The following SLC25A12 variants were observed in gnomAD, a reference collection of about 807,000 sequenced individuals.
SLC25A12 encodes solute carrier family 25 member 12.
A neutral mutation model predicts 83.3 loss-of-function variants in SLC25A12; 32 were observed. That is an observed-to-expected ratio of 0.38 (90% CI 0.29 to 0.52). The LOEUF (loss-of-function observed/expected upper bound fraction) is 0.52. SLC25A12 is among the 20% of genes least tolerant of loss of function. The pLI, the probability that SLC25A12 is intolerant of heterozygous loss-of-function variation, is 0.84. For missense variants in SLC25A12, 611 were observed against 835.6 expected (o/e 0.73, Z 3.31); for synonymous variants, 267 against 291.1 (o/e 0.92, Z 0.84).
intron 13 of SLC25A12, among the ~76,000 whole-genome samples, chr2:171,798,234 G>C (rs1476175566): frequency 6.6e-6 from 1 of 152,130 alleles, no homozygotes; most frequent in African/African-American, 2.4e-5. Flanking sequence ...AAGTTAGCGG[G>C]GAAAAGGATG....
intron 8 of SLC25A12, among the ~76,000 whole-genome samples, chr2:171,829,627 C>T (rs1684387832): frequency 6.6e-6 from 1 of 152,070 alleles, no homozygotes. Flanking sequence ...TGTAGGTCCC[C>T]TTCTCCATAA....
At chr2:171,838,386 T>G (rs1369934065) in intron 5 of SLC25A12, among the ~76,000 whole-genome samples, 1 of 152,200 alleles carries the variant, frequency 6.6e-6, no homozygotes, top group Non-Finnish European at 1.5e-5. Flanking sequence ...GAATTTTCAA[T>G]CCATCTACAT....
At chr2:171,836,030 C>CTAGGGTT (rs1684549055) in intron 6 of SLC25A12, among the ~76,000 whole-genome samples, 1 of 152,130 alleles carries the variant, frequency 6.6e-6, no homozygotes, top group Admixed American at 6.5e-5. Context: ...GTACTGAGCC[C>CTAGGGTT]CTCCCTCTAG....
rs370401395 is a variant in SLC25A12 at position 171,886,512 on chromosome 2, CT to C, written c.66+6692del. Among the ~76,000 whole-genome samples, 89 of 127,584 alleles carry C rather than the reference CT, an allele frequency of 7.0e-4. No individual in the cohort carries two copies. In the Middle Eastern group the frequency reaches 0.013, roughly 18 times the overall value. The allele number at this position is 127,584 out of a possible 152,430, so 83.7% of individuals were successfully genotyped here. ...GCAGTTAACCTTGTACATATATATT[CT>C]TTTTTTTTTGTTTTGAGACAGAGTT... On this transcript the variant is annotated intron_variant, in intron 2 of 17. Transcript: ENST00000422440.
chr2:171,833,202 A>G (rs1261815272), intron 8 of SLC25A12, among the ~76,000 whole-genome samples: 1 of 152,164 alleles, frequency 6.6e-6, no homozygotes, highest in Non-Finnish European at 1.5e-5. Context: ...CACTAGACAG[A>G]GCAGTGCTAG....
intron 13 of SLC25A12, among the ~76,000 whole-genome samples, chr2:171,802,518 T>C (rs1176595149): frequency 6.6e-6 from 1 of 152,234 alleles, no homozygotes; most frequent in African/African-American, 2.4e-5. Flanking sequence ...GGCTCACACC[T>C]GTAATCCCAG....
intron 13 of SLC25A12, among the ~76,000 whole-genome samples, chr2:171,804,315 T>C (rs1312700011): frequency 6.6e-6 from 1 of 152,118 alleles, no homozygotes; most frequent in African/African-American, 2.4e-5. Flanking sequence ...TGGAGTGCAG[T>C]GGGCACAATC....
In SLC25A12 at chr2:171,852,795, C is replaced by T; in HGVS notation, c.325+3039G>A. The stretch of plus-strand genomic sequence containing the variant: ...TAGAAATCTTGTTAAATGGCATTTG[C>T]TACAACAGTTTCAATATTTTCCCTC... On this transcript the variant is annotated intron_variant, in intron 4 of 17. Transcript: ENST00000422440. 1.5e-5 allele frequency: 5 copies of T among 331,200 alleles called. No individual in the cohort carries two copies. In the East Asian group the frequency reaches 3.2e-4, roughly 21 times the overall value. 20.5% of individuals were successfully genotyped at this position (331,200 alleles called of 1,614,324 possible).
chr2:171,862,393 T>C (rs1376953324), intron 3 of SLC25A12, among the ~76,000 whole-genome samples: 1 of 152,234 alleles, frequency 6.6e-6, no homozygotes, highest in Non-Finnish European at 1.5e-5. Flanking sequence ...ATCCCACAAA[T>C]AATACTTGGC....
chr2:171,867,033 C>T (rs1224672128), intron 3 of SLC25A12, among the ~76,000 whole-genome samples: 6 of 143,310 alleles, frequency 4.2e-5, no homozygotes, highest in African/African-American at 1.1e-4. Flanking sequence ...ACATCCCAGA[C>T]GGGGCGGTGG....
At chr2:171,823,335 C>T (rs1574699663) in intron 9 of SLC25A12, among the ~76,000 whole-genome samples, 1 of 152,114 alleles carries the variant, frequency 6.6e-6, no homozygotes, top group African/African-American at 2.4e-5. Context: ...CTACAGAATG[C>T]AGGAGCTTGA....
intron 3 of SLC25A12, among the ~76,000 whole-genome samples, chr2:171,865,286 A>G (rs1441598393): frequency 2.6e-5 from 4 of 152,242 alleles, no homozygotes; most frequent in Admixed American, 2.6e-4. Flanking sequence ...AAATGCCTGT[A>G]TCCTTGATAA....
chr2:171,869,722 T>C (rs1685418082), intron 2 of SLC25A12, among the ~76,000 whole-genome samples: 1 of 152,172 alleles, frequency 6.6e-6, no homozygotes, highest in African/African-American at 2.4e-5. Flanking sequence ...TCTCCTTGAG[T>C]TGCATCAGAT....
chr2:171,873,611 G>T (rs1052718208), intron 2 of SLC25A12, among the ~76,000 whole-genome samples: 2 of 152,034 alleles, frequency 1.3e-5, no homozygotes, highest in Non-Finnish European at 2.9e-5. Flanking sequence ...AGGTACCAAA[G>T]AATATACAGT....
chr2:171,852,809 A>G, intron 4 of SLC25A12: 1 of 308,180 alleles, frequency 3.2e-6, no homozygotes, highest in Non-Finnish European at 6.6e-6. Context: ...AACAGTTTCA[A>G]TATTTTCCCT....
chr2:171,852,794 G>T, intron 4 of SLC25A12: 1 of 328,100 alleles, frequency 3.0e-6, no homozygotes, highest in South Asian at 2.5e-5. Flanking sequence ...AATGGCATTT[G>T]CTACAACAGT....
At chr2:171,815,926 TAC>T (rs1684041953) in intron 9 of SLC25A12, among the ~76,000 whole-genome samples, 1 of 151,980 alleles carries the variant, frequency 6.6e-6, no homozygotes, top group Admixed American at 6.6e-5. Context: ...TAATTATATA[TAC>T]ATAAACTTAA....
chr2:171,866,402 G>C (rs1685304477), intron 3 of SLC25A12, among the ~76,000 whole-genome samples: 1 of 146,402 alleles, frequency 6.8e-6, no homozygotes, highest in East Asian at 2.1e-4. Context: ...CTTCCCAGTA[G>C]GGGCGGCCGG....
rs777435881 is a variant in SLC25A12 at position 171,815,208 on chromosome 2, G to A, written c.931-6C>T. 1 of 1,609,994 alleles carries A rather than the reference G, an allele frequency of 6.2e-7. No individual in the cohort carries two copies. The highest frequency in any genetic ancestry group is 8.5e-7 in the Non-Finnish European group (1 of 1,176,462). On this transcript the variant is annotated splice_polypyrimidine_tract_variant and splice_region_variant and intron_variant, in intron 9 of 17. Coordinates refer to ENST00000422440, the MANE Select transcript of SLC25A12 (RefSeq NM_003705.5). ...CTGCCTAACCCAGGAGACTGCTGCA[G>A]AGAAGAAAACGGGTAAAAAAAAATC...
Sources: allele counts gnomAD v4.1 joint callset (sites outside exome capture counted in the v4.1 genomes callset), GRCh38; gene constraint gnomAD v4.1.1; transcripts MANE v1.5; gene names NCBI Gene and HGNC (gene_info 2026-07-23, HGNC 2026-07-21).